The following TMEM51 variants were observed in gnomAD, a reference collection of about 807,000 sequenced individuals.
TMEM51 encodes the protein transmembrane protein 51.
Under a neutral mutation model 13.6 loss-of-function variants are expected in TMEM51, and 8 were observed. That is an observed-to-expected ratio of 0.59 (90% CI 0.35 to 1.07). The LOEUF is 1.07. Among genes scored for constraint, TMEM51 ranks in the 50% least tolerant of loss-of-function variants. The pLI, the probability that TMEM51 is intolerant of heterozygous loss-of-function variation, is 0.02. For synonymous variants in TMEM51, 147 were observed against 144.4 expected (o/e 1.02, Z -0.13); for missense variants, 279 against 330.7 (o/e 0.84, Z 1.21).
At position 15,207,405 on chromosome 1, in the gene TMEM51, C is replaced by T. The variant is rs1474749432; in HGVS notation, c.-266-3085C>T. Among the ~76,000 whole-genome samples, 1 of 152,252 alleles carries T rather than the reference C, an allele frequency of 6.6e-6. No individual in the cohort carries two copies. Among genetic ancestry groups the T allele is most frequent in the Non-Finnish European group, 1.5e-5 (1 of 68,044 alleles). On this transcript the variant is annotated intron_variant, in intron 1 of 3. Coordinates refer to ENST00000376008, the MANE Select transcript of TMEM51 (RefSeq NM_001136218.2). This position sits in a 1 kb window ranked among gnomAD's most constrained non-coding sequence, Gnocchi z 4.6. The stretch of plus-strand genomic sequence containing the variant: ...CAGCGAGAAGAGGCAGCGGAAGGCC[C>T]AGCCATCAATGCTTGGGCCCTTTAC...
At chr1:15,189,914 G>A (rs746445761) in intron 1 of TMEM51, among the ~76,000 whole-genome samples, 2 of 152,194 alleles carry the variant, frequency 1.3e-5, no homozygotes, top group Non-Finnish European at 2.9e-5. Context: ...AGGCCCTTTC[G>A]GCATTCAGCC....
At chr1:15,195,012 C>G (rs2100289656) in intron 1 of TMEM51, among the ~76,000 whole-genome samples, 1 of 149,542 alleles carries the variant, frequency 6.7e-6, no homozygotes, top group South Asian at 2.1e-4. Flanking sequence ...GCAACCTCCA[C>G]TGCCCAGGCT....
At chr1:15,178,847 C>T (rs1643527276) in intron 1 of TMEM51, among the ~76,000 whole-genome samples, 1 of 152,210 alleles carries the variant, frequency 6.6e-6, no homozygotes, top group Non-Finnish European at 1.5e-5. Flanking sequence ...TGCGATTTAG[C>T]AGTGTGTTCA....
chr1:15,198,546 T>C (rs111878717), intron 1 of TMEM51, among the ~76,000 whole-genome samples: 2,172 of 152,128 alleles, frequency 0.014, 32 homozygotes, highest in Middle Eastern at 0.034. Context: ...GCCTCCCGAG[T>C]AGCTGGGACT....
chr1:15,196,130 A>T (rs1047477996), intron 1 of TMEM51, among the ~76,000 whole-genome samples: 4 of 152,008 alleles, frequency 2.6e-5, no homozygotes, highest in Non-Finnish European at 5.9e-5. Flanking sequence ...CCACCCATCC[A>T]TCCCCCACCC....
chr1:15,219,931 T>A lies in TMEM51; in HGVS notation c.*188T>A. On this transcript the variant is annotated 3_prime_UTR_variant, in exon 4 of 4. Transcript: ENST00000376008. ...TTTGTTGCCCCACACAGCCTCCTGC[T>A]GCAGGTGCTTTGGAAAGAGATGCTG... The A allele has an allele frequency of 1.6e-6, 1 of 636,946 alleles. No homozygotes were observed. The highest frequency in any genetic ancestry group is 2.7e-6 in the Non-Finnish European group (1 of 375,910). 39.5% of individuals were successfully genotyped at this position (636,946 alleles called of 1,614,324 possible). A position where few individuals can be genotyped will look rare whatever the true frequency, so the allele number is the denominator to read the frequency against.
Position 15,161,217 on chromosome 1 carries a change from AT to A in TMEM51, c.-267+7267del, listed in dbSNP as rs1166177496. On this transcript the variant is annotated intron_variant, in intron 1 of 3. Coordinates refer to ENST00000376008, the MANE Select transcript of TMEM51 (RefSeq NM_001136218.2). This position sits in a 1 kb window ranked among gnomAD's most constrained non-coding sequence, Gnocchi z 4.0. Reference sequence around the variant, plus strand: ...TTTATATAGTTTCTTCTTAAAAGTCATTTTGGGGGCTGGGCATGGTGGCTCA... The same window carrying A: ...TTTATATAGTTTCTTCTTAAAAGTCATTTGGGGGCTGGGCATGGTGGCTCA... Among the ~76,000 whole-genome samples, 2 of 151,976 alleles carry A rather than the reference AT, an allele frequency of 1.3e-5. No homozygotes were observed. Among genetic ancestry groups the A allele is most frequent in the Non-Finnish European group, 1.5e-5 (1 of 68,012 alleles).
At chr1:15,195,737 A>C (rs1422667175) in intron 1 of TMEM51, among the ~76,000 whole-genome samples, 3 of 152,164 alleles carry the variant, frequency 2.0e-5, no homozygotes, top group Admixed American at 2.0e-4. Flanking sequence ...CCAGGGTTGC[A>C]CACCTAGTGG....
intron 1 of TMEM51, among the ~76,000 whole-genome samples, chr1:15,205,317 G>A (rs901798477): frequency 1.6e-4 from 25 of 152,134 alleles, no homozygotes; most frequent in Admixed American, 9.8e-4. Flanking sequence ...GTTTGGAGTC[G>A]GGGAGGGAAG....
At chr1:15,173,186 G>A (rs906679857) in intron 1 of TMEM51, among the ~76,000 whole-genome samples, 1 of 149,574 alleles carries the variant, frequency 6.7e-6, no homozygotes, top group African/African-American at 2.5e-5. Context: ...TTTCTGCTTA[G>A]GAATCTGGGG....
At chr1:15,176,511 G>T (rs534846191) in intron 1 of TMEM51, among the ~76,000 whole-genome samples, 1 of 152,350 alleles carries the variant, frequency 6.6e-6, no homozygotes, top group East Asian at 1.9e-4. Flanking sequence ...AGGCCTTCAG[G>T]ATGGGGTAGG....
chr1:15,179,789 A>G (rs767670036), intron 1 of TMEM51, among the ~76,000 whole-genome samples: 5 of 152,222 alleles, frequency 3.3e-5, no homozygotes, highest in Non-Finnish European at 7.4e-5. Flanking sequence ...CTCAAAAAGC[A>G]ACACAAACAA....
At chr1:15,211,443 A>AT (rs1477539992) in intron 2 of TMEM51, among the ~76,000 whole-genome samples, 7 of 151,916 alleles carry the variant, frequency 4.6e-5, no homozygotes, top group African/African-American at 1.2e-4. Context: ...TTAAATAACA[A>AT]TTTTTTTTGT....
At chr1:15,183,440 C>T (rs1016634232) in intron 1 of TMEM51, among the ~76,000 whole-genome samples, 42 of 152,204 alleles carry the variant, frequency 2.8e-4, no homozygotes, top group African/African-American at 9.9e-4. Flanking sequence ...AACTTTATGT[C>T]CCTTTGCCTC....
rs546369456 is a variant in TMEM51, at chr1:15,207,049, G to A, written c.-266-3441G>A. On this transcript the variant is annotated intron_variant, in intron 1 of 3. Transcript: ENST00000376008. The surrounding 1 kb of genome is among the most constrained non-coding windows in gnomAD (Gnocchi z 4.6). ...GAAATTGTGACAAAAGTGATTGTGG[G>A]CTGAAACTTGGCAGAGAGAGCCCCA... 6.4e-4 allele frequency among the ~76,000 whole-genome samples: 97 copies of A among 152,334 alleles called. No homozygotes were observed. The highest frequency in any genetic ancestry group is 3.4e-3 in the Middle Eastern group (1 of 294).
At chr1:15,195,480 G>A (rs1379359348) in intron 1 of TMEM51, among the ~76,000 whole-genome samples, 1 of 152,032 alleles carries the variant, frequency 6.6e-6, no homozygotes, top group African/African-American at 2.4e-5. Context: ...GTCCCATAGA[G>A]TTTATTGGGA....
intron 1 of TMEM51, among the ~76,000 whole-genome samples, chr1:15,181,006 C>T (rs1345256916): frequency 6.6e-6 from 1 of 152,150 alleles, no homozygotes; most frequent in East Asian, 1.9e-4. Context: ...GCAGACTGGA[C>T]GGAGAATCCA....
At chr1:15,174,261 T>A (rs578256538) in intron 1 of TMEM51, among the ~76,000 whole-genome samples, 1 of 152,190 alleles carries the variant, frequency 6.6e-6, no homozygotes, top group Non-Finnish European at 1.5e-5. Flanking sequence ...TTTTTCTTTT[T>A]CTGATGGATT....
intron 1 of TMEM51, among the ~76,000 whole-genome samples, chr1:15,187,011 G>T (rs549943665): frequency 6.6e-6 from 1 of 151,150 alleles, no homozygotes; most frequent in South Asian, 2.1e-4. Context: ...CCCCACTGTC[G>T]GGGGGTATGT....
Sources: gnomAD v4.1 joint callset for allele counts (sites outside exome capture counted in the v4.1 genomes callset) on GRCh38, gnomAD v4.1.1 for gene constraint, Gnocchi (gnomAD v3.1) non-coding constraint, MANE v1.5 for transcripts, NCBI Gene and HGNC (gene_info 2026-07-23, HGNC 2026-07-21) for gene names.